The following FAF2 variants were observed in gnomAD, a reference collection of about 807,000 sequenced individuals.
FAF2 encodes the protein FAS-associated factor 2.
FAF2 carries 9 observed loss-of-function variants against 62.3 expected under a neutral mutation model. The observed-to-expected ratio is 0.14, with a 90% CI of 0.09 to 0.25. FAF2 has a LOEUF of 0.25. Ranked by LOEUF, FAF2 falls within the 10% of genes least tolerant of loss-of-function variation. The pLI is 1.00. For synonymous variants in FAF2, 202 were observed against 198.0 expected (o/e 1.02, Z -0.17); for missense variants, 368 against 556.2 (o/e 0.66, Z 3.40).
intron 3 of FAF2, among the ~76,000 whole-genome samples, chr5:176,487,263 C>A (rs1758888423): frequency 6.6e-6 from 1 of 152,140 alleles, no homozygotes; most frequent in African/African-American, 2.4e-5. Flanking sequence ...TGGCTCGCTG[C>A]AGCCTAGACC....
rs187855850 is a variant in FAF2, at chr5:176,476,910, C to T, written c.64-2278C>T. ...CTGCAAGCTCCACCTCCCTTGTTCA[C>T]GCCATTCTCCTGCCTCAGCCTCCTG... On this transcript the variant is annotated intron_variant, in intron 1 of 10. Coordinates refer to ENST00000261942, the MANE Select transcript of FAF2 (RefSeq NM_014613.3). Among the ~76,000 whole-genome samples the T allele has an allele frequency of 1.1e-3, 168 of 149,792 alleles. 2 individuals are homozygous for T. The highest frequency in any genetic ancestry group is 1.5e-3 in the Non-Finnish European group (102 of 67,580).
At position 176,509,697 on chromosome 5, in the gene FAF2, C is replaced by T. The variant is rs547416728; in HGVS notation, c.*2747C>T. On this transcript the variant is annotated 3_prime_UTR_variant, in exon 11 of 11. Coordinates refer to ENST00000261942, the MANE Select transcript of FAF2 (RefSeq NM_014613.3). ...AATAAGAGATGGCCAGAGGATAACA[C>T]TTGTCTCTTAAAAACTAAGCTAAAA... is the stretch of plus-strand genomic sequence containing the variant. 2.6e-5 allele frequency: 4 copies of T among 152,770 alleles called. No homozygotes were observed. The East Asian group carries it at 7.7e-4, about 29-fold the overall frequency. 9.5% of individuals were successfully genotyped at this position (152,770 alleles called of 1,614,324 possible).
In FAF2 at chr5:176,500,041, G is replaced by T. The variant is rs569159857; in HGVS notation, c.1050G>T (p.Leu350=). The T allele has an allele frequency of 1.3e-5, 21 of 1,614,146 alleles. No individual in the cohort carries two copies. The highest frequency in any genetic ancestry group is 1.8e-5 in the Non-Finnish European group (21 of 1,180,026). Residue 350 remains leucine, a synonymous_variant, in exon 10 of 11, where the codon CTG becomes CTT. Coordinates refer to ENST00000261942, the MANE Select transcript of FAF2 (RefSeq NM_014613.3). ...AAAAGGAAAGGAAGTTGGAATGCCTGCCCCCTGAACCTTCCCCTGATGACC... is the reference window on the plus strand; with the variant it reads ...AAAAGGAAAGGAAGTTGGAATGCCTTCCCCCTGAACCTTCCCCTGATGACC... ...QEEKERKLEC[L]PPEPSPDDPE... is the part of the protein sequence containing the mutation.
At chr5:176,449,278 A>G (rs1189556154) in intron 1 of FAF2, among the ~76,000 whole-genome samples, 2 of 152,206 alleles carry the variant, frequency 1.3e-5, no homozygotes, top group African/African-American at 4.8e-5. Context: ...GGACTGTCTT[A>G]AAAATGTCTA....
chr5:176,461,651 GTTA>G (rs201317091), intron 1 of FAF2, among the ~76,000 whole-genome samples: 3 of 151,288 alleles, frequency 2.0e-5, no homozygotes, highest in African/African-American at 4.9e-5. Context: ...TTTTAATGGG[GTTA>G]TTATTATTAT....
At position 176,499,029 on chromosome 5, in the gene FAF2, C is replaced by T. The variant is rs755730334; in HGVS notation, c.955C>T (p.Arg319Trp). Residue 319 changes from arginine to tryptophan, a missense_variant, in exon 9 of 11, where the codon CGG (arginine) becomes TGG (tryptophan). By Grantham distance (101) the Arg-to-Trp change is moderately radical (BLOSUM62 -3). This residue lies in a region of FAF2 where 331 missense variants were observed against 441.9 expected (regional missense o/e 0.75). Transcript: ENST00000261942. Reference protein sequence around the residue: ...RKKREERERKRRKEEEVQQQK... With the variant: ...RKKREERERKWRKEEEVQQQK... The stretch of plus-strand genomic sequence containing the variant: ...GAAACGGGAGGAGCGGGAGCGTAAG[C>T]GGCGGAAGGAGGAGGAGGTGCAACA... 1.6e-5 allele frequency: 26 copies of T among 1,611,692 alleles called. No individual in the cohort carries two copies. The highest frequency in any genetic ancestry group is 2.1e-5 in the Non-Finnish European group (25 of 1,178,726).
intron 9 of FAF2, among the ~76,000 whole-genome samples, chr5:176,499,547 C>T (rs1755558120): frequency 1.3e-5 from 2 of 150,994 alleles, no homozygotes; most frequent in South Asian, 4.2e-4. Flanking sequence ...CTGAGATATA[C>T]ATTATCTTAT....
At chr5:176,505,794 A>G (rs917076705) in intron 10 of FAF2, among the ~76,000 whole-genome samples, 1 of 152,168 alleles carries the variant, frequency 6.6e-6, no homozygotes, top group African/African-American at 2.4e-5. Context: ...CCATTAATTC[A>G]TTCCTTTTTA....
chr5:176,459,461 CATT>C (rs1210514135), intron 1 of FAF2, among the ~76,000 whole-genome samples: 1 of 151,900 alleles, frequency 6.6e-6, no homozygotes, highest in Admixed American at 6.6e-5. Flanking sequence ...GACATGGTCT[CATT>C]ATGTTGTCCA....
chr5:176,499,993 G>T lies in FAF2; in HGVS notation c.1012-10G>T. 1 of 1,613,870 alleles carries T rather than the reference G, an allele frequency of 6.2e-7. No homozygotes were observed. The highest frequency in any genetic ancestry group is 1.1e-5 in the South Asian group (1 of 91,070). On this transcript the variant is annotated splice_polypyrimidine_tract_variant and intron_variant, in intron 9 of 10. Transcript: ENST00000261942. ...AGCTGTAGCCTCACCTTTGCTTTGT[G>T]TCTCTGCAGAATTTACAGGAGGAAA...
chr5:176,466,440 C>G (rs1162561098), intron 1 of FAF2, among the ~76,000 whole-genome samples: 1 of 152,172 alleles, frequency 6.6e-6, no homozygotes, highest in East Asian at 1.9e-4. Flanking sequence ...TAAATCTCAG[C>G]TGAGATTTCA....
In FAF2 at chr5:176,494,938, G is replaced by C. The variant is rs988946200; in HGVS notation, c.661+663G>C. ...ATTGCCAAAGCCTGCCACATTCATA[G>C]AAATACCCAGTCTTGGCTAGCAGCT... On this transcript the variant is annotated intron_variant, in intron 7 of 10. Coordinates refer to ENST00000261942, the MANE Select transcript of FAF2 (RefSeq NM_014613.3). This position sits in a 1 kb window ranked among gnomAD's most constrained non-coding sequence, Gnocchi z 4.0. Among the ~76,000 whole-genome samples the C allele has an allele frequency of 6.6e-6, 1 of 152,192 alleles. No homozygotes were observed. The highest frequency in any genetic ancestry group is 6.6e-5 in the Admixed American group (1 of 15,262).
At chr5:176,451,762 A>G (rs1244294301) in intron 1 of FAF2, among the ~76,000 whole-genome samples, 1 of 121,064 alleles carries the variant, frequency 8.3e-6, no homozygotes, top group Non-Finnish European at 1.7e-5. Context: ...TATTGTATAT[A>G]TACATATATA....
chr5:176,496,588 C>A lies in FAF2; in HGVS notation c.764C>A (p.Pro255His). Reference sequence around the variant, plus strand: ...GGACGGCTAGAAGGCCTCATTCAACCTGATGACCTCATTAACCAACTGACA... The same window carrying A: ...GGACGGCTAGAAGGCCTCATTCAACATGATGACCTCATTAACCAACTGACA... ...VVGRLEGLIQ[P>H]DDLINQLTFI... Residue 255 changes from proline (P) to histidine (H), a missense_variant, in exon 8 of 11, where the codon CCT becomes CAT. Physicochemically the swap from Pro to His is moderately conservative, Grantham distance 77. This residue lies in a region of FAF2 where 331 missense variants were observed against 441.9 expected (regional missense o/e 0.75). Transcript: ENST00000261942. 6.2e-7 allele frequency: 1 copy of A among 1,612,756 alleles called. No individual in the cohort carries two copies. The highest frequency in any genetic ancestry group is 1.1e-5 in the South Asian group (1 of 90,984).
intron 1 of FAF2, among the ~76,000 whole-genome samples, chr5:176,476,627 CTTTTTTT>C (rs58104178): frequency 8.4e-5 from 8 of 95,046 alleles, no homozygotes; most frequent in East Asian, 7.5e-4. Flanking sequence ...ATTAGAGTCC[CTTTTTTT>C]TTTTTTTTTT....
intron 4 of FAF2, among the ~76,000 whole-genome samples, chr5:176,491,806 C>T (rs1241233123): frequency 1.3e-5 from 2 of 152,194 alleles, no homozygotes; most frequent in Non-Finnish European, 2.9e-5. Flanking sequence ...CCACATTTGA[C>T]TAGTGGCTAC....
At chr5:176,458,478 C>T (rs377676486) in intron 1 of FAF2, among the ~76,000 whole-genome samples, 3 of 132,498 alleles carry the variant, frequency 2.3e-5, no homozygotes, top group Non-Finnish European at 3.1e-5. Context: ...GGCTCGATCT[C>T]GGCTCACTGC....
At chr5:176,491,082 C>CTTT (rs2113740500) in intron 4 of FAF2, among the ~76,000 whole-genome samples, 1 of 152,302 alleles carries the variant, frequency 6.6e-6, no homozygotes, top group Admixed American at 6.5e-5. Context: ...AATTGACTCA[C>CTTT]TTTTTGTTAA....
At chr5:176,477,196 C>T (rs184127098) in intron 1 of FAF2, among the ~76,000 whole-genome samples, 5 of 145,898 alleles carry the variant, frequency 3.4e-5, no homozygotes, top group African/African-American at 7.7e-5. Flanking sequence ...CTGACCGCCT[C>T]GGCCTCCCAA....
Sources: allele counts gnomAD v4.1 joint callset (sites outside exome capture counted in the v4.1 genomes callset), GRCh38; gene constraint gnomAD v4.1.1; regional missense constraint gnomAD v4.1.1; non-coding constraint Gnocchi (gnomAD v3.1); transcripts MANE v1.5; gene names NCBI Gene and HGNC (gene_info 2026-07-23, HGNC 2026-07-21).